Variants in GABBR1 observed in about 807,000 individuals in gnomAD.
GABBR1 encodes GABA-B receptor, R1 subunit.
In GABBR1, 35 loss-of-function variants were observed where a neutral mutation model predicts 117.7. That is an observed-to-expected ratio of 0.30 (90% CI 0.23 to 0.39). GABBR1 has a LOEUF of 0.39. Ranked by LOEUF, GABBR1 falls within the 10% of genes least tolerant of loss-of-function variation. GABBR1 has a pLI of 1.00. For missense variants in GABBR1, 709 were observed against 1,241.8 expected (o/e 0.57, Z 6.45); for synonymous variants, 442 against 486.6 (o/e 0.91, Z 1.21).
rs754756242 is a variant in GABBR1, at chr6:29,608,752, G to A, written c.1860-19C>T. On this transcript the variant is annotated intron_variant, in intron 15 of 22. Transcript: ENST00000377034. ...GATATAACTAGGGCAGAGGTGGAGA[G>A]GGTGAGAGGGAGAGAGAATTACCCC... is the stretch of plus-strand genomic sequence containing the variant. The A allele has an allele frequency of 1.2e-6, 2 of 1,610,530 alleles. No individual in the cohort carries two copies. Among genetic ancestry groups the A allele is most frequent in the Admixed American group, 3.4e-5 (2 of 59,642 alleles).
At chr6:29,612,668 G>A in intron 12 of GABBR1, 54 bp from the exon 13 acceptor site, 1 of 1,414,192 alleles carries the variant, frequency 7.1e-7, no homozygotes, top group Non-Finnish European at 1.0e-6. Flanking sequence ...AAGAGTGAAA[G>A]AGAACATCAG....
chr6:29,629,355 G>T, intron 4 of GABBR1: 1 of 657,366 alleles, frequency 1.5e-6, no homozygotes. Flanking sequence ...CAATAGCTAA[G>T]TTTGGGGCAG....
Position 29,613,302 on chromosome 6 carries a change from G to C in GABBR1, c.1507C>G (p.Gln503Glu), listed in dbSNP as rs1212094658. Residue 503 changes from glutamine to glutamate, a missense_variant, in exon 12 of 23, where the codon CAG becomes GAG. By Grantham distance (29) the Gln-to-Glu change is conservative. Around this residue, in one of 9 missense-constraint regions of GABBR1, gnomAD observed 38 missense variants for 47.7 expected, o/e 0.80. Coordinates refer to ENST00000377034, the MANE Select transcript of GABBR1 (RefSeq NM_001470.4). The surrounding 1 kb of genome is among the most constrained non-coding windows in gnomAD (Gnocchi z 4.1). The part of the protein sequence containing the change: ...VRLEDFNYNN[Q>E]TITDQIYRAM... ...CGGTAGATTTGGTCGGTAATGGTCT[G>C]GTTGTTGTAGTTGAAGTCCTCCAGG... The C allele has an allele frequency of 6.2e-7, 1 of 1,613,052 alleles. No individual in the cohort carries two copies.
intron 5 of GABBR1, 145 bp downstream of exon 5, chr6:29,628,942 A>C (rs1460851315): frequency 3.7e-6 from 3 of 801,678 alleles, no homozygotes; most frequent in Non-Finnish European, 6.3e-6. Flanking sequence ...TAGGGAGGGA[A>C]GGGGGTGGCC....
rs28383955 is a variant in GABBR1 at position 29,620,889 on chromosome 6, G to GT, written c.1323+211dup. ...AACCTACTGAACATACAACTCCATC[G>GT]TTTTTTTTTTTTTCTCTCTCTACCC... On this transcript the variant is annotated intron_variant, in intron 11 of 22. Coordinates refer to ENST00000377034, the MANE Select transcript of GABBR1 (RefSeq NM_001470.4). The surrounding 1 kb of genome is among the most constrained non-coding windows in gnomAD (Gnocchi z 4.5). 2.0e-3 allele frequency among the ~76,000 whole-genome samples: 282 copies of GT among 144,612 alleles called. 1 individual carries two copies. Among genetic ancestry groups the GT allele is most frequent in the East Asian group, 0.015 (73 of 5,002 alleles). 94.9% of individuals were successfully genotyped at this position (144,612 alleles called of 152,430 possible).
Position 29,606,116 on chromosome 6 carries a change from C to T in GABBR1, c.2311+275G>A. The T allele has an allele frequency of 1.8e-6, 1 of 556,132 alleles. No individual in the cohort carries two copies. 34.4% of individuals were successfully genotyped at this position (556,132 alleles called of 1,614,324 possible). A position where few individuals can be genotyped will look rare whatever the true frequency, so the allele number is the denominator to read the frequency against. ...GGGGATCTAAAAGATAATGTCAAGT[C>T]TGGAGGTGGGGTTACCCCCACTTGT... On this transcript the variant is annotated intron_variant, in intron 19 of 22. Transcript: ENST00000377034. The surrounding 1 kb of genome is among the most constrained non-coding windows in gnomAD (Gnocchi z 4.5).
chr6:29,627,455 ACCTC>A lies in GABBR1; in HGVS notation c.657+27_657+30del. 8.2e-5 allele frequency: 28 copies of A among 341,662 alleles called. No homozygotes were observed. The highest frequency in any genetic ancestry group is 5.5e-4 in the Middle Eastern group (1 of 1,804). 21.2% of individuals were successfully genotyped at this position (341,662 alleles called of 1,614,324 possible). A position where few individuals can be genotyped will look rare whatever the true frequency, so the allele number is the denominator to read the frequency against. On this transcript the variant is annotated intron_variant, in intron 6 of 22. Coordinates refer to ENST00000377034, the MANE Select transcript of GABBR1 (RefSeq NM_001470.4). The surrounding 1 kb of genome is among the most constrained non-coding windows in gnomAD (Gnocchi z 4.4). ...CTGGCCCCCTGCCCCGCAAGCCCCC[ACCTC>A]CCACCCACCCCCATGTCCAGGGCTA...
In GABBR1 at chr6:29,632,677, C is replaced by T. The variant is rs1583030891; in HGVS notation, c.-1+173G>A. 4.9e-6 allele frequency: 7 copies of T among 1,442,532 alleles called. No homozygotes were observed. The highest frequency in any genetic ancestry group is 2.3e-5 in the Admixed American group (1 of 44,078). 89.4% of individuals were successfully genotyped at this position (1,442,532 alleles called of 1,614,324 possible). ...GCCCCCGCGGCTCGCAGAAGCCTGG[C>T]TTACCCACGCTCCCGGCATCGGCCG... On this transcript the variant is annotated intron_variant, in intron 1 of 22. Coordinates refer to ENST00000377034, the MANE Select transcript of GABBR1 (RefSeq NM_001470.4). The surrounding 1 kb of genome is among the most constrained non-coding windows in gnomAD (Gnocchi z 5.8).
In GABBR1 at chr6:29,603,162, G is replaced by A; in HGVS notation, c.*381C>T. On this transcript the variant is annotated 3_prime_UTR_variant, in exon 23 of 23. Coordinates refer to ENST00000377034, the MANE Select transcript of GABBR1 (RefSeq NM_001470.4). ...CTTGTTGGGAGACCCCTGCTGGACA[G>A]GAACAGAGCACAAAGGCAGAGGAGC... 2.1e-6 allele frequency: 1 copy of A among 479,468 alleles called. No homozygotes were observed. Among genetic ancestry groups the A allele is most frequent in the Non-Finnish European group, 4.1e-6 (1 of 241,602 alleles). The allele number at this position is 479,468 out of a possible 1,614,324, so 29.7% of individuals were successfully genotyped here. A position where few individuals can be genotyped will look rare whatever the true frequency, so the allele number is the denominator to read the frequency against.
intron 11 of GABBR1, among the ~76,000 whole-genome samples, chr6:29,615,993 G>A (rs535944331): frequency 2.6e-5 from 4 of 152,050 alleles, no homozygotes; most frequent in African/African-American, 7.2e-5. Context: ...CCTGAGGTCC[G>A]GAGTTCGAGA....
intron 12 of GABBR1, 73 bp from the exon 13 acceptor site, chr6:29,612,687 T>C: frequency 7.8e-7 from 1 of 1,279,824 alleles, no homozygotes; most frequent in East Asian, 2.3e-5. Flanking sequence ...AGGGACTCTT[T>C]AAATCCTTCT....
Position 29,623,916 on chromosome 6 carries a change from C to A in GABBR1, c.766G>T (p.Ala256Ser), listed in dbSNP as rs1294457180. The change falls in exon 7 of 23, where the codon GCT (alanine) becomes TCT (serine). Residue 256 changes from alanine to serine, a missense_variant. Ala to Ser is a moderately conservative substitution (Grantham distance 99). Transcript: ENST00000377034. The surrounding 1 kb of genome is among the most constrained non-coding windows in gnomAD (Gnocchi z 6.2). ...CSSVSTLVAE[A>S]ARMWNLIVLS... ...ACAATGAGGTTCCACATCCTAGCAG[C>A]CTCAGCCACCAGCGTGGAGACAGAG... 1 of 1,612,936 alleles carries A rather than the reference C, an allele frequency of 6.2e-7. No homozygotes were observed. Among genetic ancestry groups the A allele is most frequent in the Non-Finnish European group, 8.5e-7 (1 of 1,179,948 alleles).
At chr6:29,603,749 G>T in intron 22 of GABBR1, 33 bp from the exon 23 acceptor site, 1 of 1,438,262 alleles carries the variant, frequency 7.0e-7, no homozygotes, top group South Asian at 1.7e-5. Context: ...GATAGTAGGA[G>T]AAGAGGAGGT....
At position 29,630,828 on chromosome 6, in the gene GABBR1, C is replaced by T. The variant is rs766671141; in HGVS notation, c.290-185G>A. ...TACCTGTGCAAGCATCCACACATTC[C>T]CAAAAGAAAAAAAAAATTACCATTT... On this transcript the variant is annotated intron_variant, in intron 3 of 22. Transcript: ENST00000377034. The surrounding 1 kb of genome is among the most constrained non-coding windows in gnomAD (Gnocchi z 4.9). Among the ~76,000 whole-genome samples, 2 of 151,780 alleles carry T rather than the reference C, an allele frequency of 1.3e-5. No individual in the cohort carries two copies. The highest frequency in any genetic ancestry group is 2.9e-5 in the Non-Finnish European group (2 of 67,950).
At chr6:29,614,598 T>A (rs1272808791) in intron 11 of GABBR1, among the ~76,000 whole-genome samples, 1 of 152,234 alleles carries the variant, frequency 6.6e-6, no homozygotes, top group Non-Finnish European at 1.5e-5. Flanking sequence ...GAAGATGCAA[T>A]GGGCCTAGGT....
intron 12 of GABBR1, 78 bp from the exon 13 acceptor site, chr6:29,612,692 CCTT>C (rs1762679599): frequency 1.6e-6 from 2 of 1,265,736 alleles, no homozygotes; most frequent in Non-Finnish European, 2.3e-6. Context: ...CTCTTTAAAT[CCTT>C]CTGTTTTTGA....
In GABBR1 at chr6:29,627,577, T is replaced by C; in HGVS notation, c.566A>G (p.Gln189Arg). ...CTCCAGCGCCATCTCCACCGCGGGC[T>C]GGCAGGCCTGGCCCCCTGGCCAGCC... ...SGGWPGGQACQPAVEMALEDV... is the reference protein window; with the variant it reads ...SGGWPGGQACRPAVEMALEDV... The change falls in exon 6 of 23, where the codon CAG (glutamine) becomes CGG (arginine). Residue 189 changes from glutamine (Q) to arginine (R), a missense_variant. This residue lies in a region of GABBR1 where 192 missense variants were observed against 418.4 expected (regional missense o/e 0.46). Transcript: ENST00000377034. This position sits in a 1 kb window ranked among gnomAD's most constrained non-coding sequence, Gnocchi z 4.4. 1 of 1,583,218 alleles carries C rather than the reference T, an allele frequency of 6.3e-7. No individual in the cohort carries two copies. The highest frequency in any genetic ancestry group is 8.6e-7 in the Non-Finnish European group (1 of 1,165,444).
rs1327776653 is a variant in GABBR1 at position 29,632,044 on chromosome 6, GA to G, written c.85+256del. ...AATTGAGGTAGTAATGTGGGGCTGG[GA>G]AAGGGGATTGAGGCGGAGAAAATGC... On this transcript the variant is annotated intron_variant, in intron 2 of 22. Coordinates refer to ENST00000377034, the MANE Select transcript of GABBR1 (RefSeq NM_001470.4). This position sits in a 1 kb window ranked among gnomAD's most constrained non-coding sequence, Gnocchi z 5.8. Among the ~76,000 whole-genome samples the G allele has an allele frequency of 6.6e-6, 1 of 152,106 alleles. No homozygotes were observed. Among genetic ancestry groups the G allele is most frequent in the Non-Finnish European group, 1.5e-5 (1 of 68,032 alleles).
intron 11 of GABBR1, among the ~76,000 whole-genome samples, chr6:29,618,278 G>A (rs1205351465): frequency 6.6e-6 from 1 of 152,198 alleles, no homozygotes; most frequent in Non-Finnish European, 1.5e-5. Flanking sequence ...CAGACCCTGT[G>A]CTCACGCCAG....
Sources: allele counts gnomAD v4.1 joint callset (sites outside exome capture counted in the v4.1 genomes callset), GRCh38; gene constraint gnomAD v4.1.1; regional missense constraint gnomAD v4.1.1; non-coding constraint Gnocchi (gnomAD v3.1); transcripts MANE v1.5; gene names NCBI Gene and HGNC (gene_info 2026-07-23, HGNC 2026-07-21).